SAR1B: variants seen among roughly 807,000 people sequenced by gnomAD.
SAR1B encodes secretion associated Ras related GTPase 1B, also known as small COPII coat GTPase SAR1B.
SAR1B carries 23 observed loss-of-function variants against 26.8 expected under a neutral mutation model. The observed-to-expected ratio is 0.86, with a 90% CI of 0.62 to 1.22. The LOEUF (loss-of-function observed/expected upper bound fraction) is 1.22, where lower values mean the gene tolerates loss of function less well. Ranked by LOEUF, SAR1B falls within the 50% of genes most tolerant of loss-of-function variation. SAR1B has a pLI of 0.00. For synonymous variants in SAR1B, 65 were observed against 80.8 expected (o/e 0.80, Z 1.05); for missense variants, 196 against 232.8 (o/e 0.84, Z 1.03).
intron 3 of SAR1B, among the ~76,000 whole-genome samples, chr5:134,615,188 A>C (rs1280582204): frequency 6.6e-6 from 1 of 151,822 alleles, no homozygotes; most frequent in Non-Finnish European, 1.5e-5. Flanking sequence ...CTCTACTAAA[A>C]ATACAAAAAA....
intron 1 of SAR1B, among the ~76,000 whole-genome samples, chr5:134,632,439 G>C (rs979627396): frequency 2.0e-5 from 3 of 152,140 alleles, no homozygotes; most frequent in Non-Finnish European, 4.4e-5. Context: ...AGGAAACTGA[G>C]GCCCAGGGGA....
intron 1 of SAR1B, among the ~76,000 whole-genome samples, chr5:134,627,197 G>A (rs1765507189): frequency 6.6e-6 from 1 of 151,904 alleles, no homozygotes; most frequent in Non-Finnish European, 1.5e-5. Context: ...GACTACAGGA[G>A]CCTGCCACCA....
At chr5:134,609,994 C>A (rs1049374537) in intron 4 of SAR1B, among the ~76,000 whole-genome samples, 4 of 150,324 alleles carry the variant, frequency 2.7e-5, no homozygotes, top group Non-Finnish European at 5.9e-5. Context: ...GCTACTAGAT[C>A]TAAAATATAA....
intron 1 of SAR1B, chr5:134,631,533 T>G (rs1237975119): frequency 6.6e-6 from 1 of 152,256 alleles, no homozygotes; most frequent in African/African-American, 2.4e-5. Flanking sequence ...TCACTGATAC[T>G]TTAACACGGA....
chr5:134,612,315 C>T (rs1176155288), intron 4 of SAR1B, among the ~76,000 whole-genome samples: 2 of 152,004 alleles, frequency 1.3e-5, no homozygotes, highest in Non-Finnish European at 2.9e-5. Context: ...AAGTATTTAT[C>T]GGGGAGTAAT....
At chr5:134,627,121 C>T (rs1765506062) in intron 1 of SAR1B, among the ~76,000 whole-genome samples, 1 of 151,942 alleles carries the variant, frequency 6.6e-6, no homozygotes, top group Non-Finnish European at 1.5e-5. Context: ...GCGCGATCTC[C>T]TCTCACTGTA....
rs1202587801 is a variant in SAR1B, at chr5:134,606,102, G to A, written c.*848C>T. 1 of 152,240 alleles carries A rather than the reference G, an allele frequency of 6.6e-6. No individual in the cohort carries two copies. The highest frequency in any genetic ancestry group is 1.9e-4 in the East Asian group (1 of 5,206). 9.4% of individuals were successfully genotyped at this position (152,240 alleles called of 1,614,324 possible). ...ATGGAACTATAGAGCCTACCAAACTGAGAATCAACCTTGTGTACCATAAAT... is the reference window on the plus strand; with the variant it reads ...ATGGAACTATAGAGCCTACCAAACTAAGAATCAACCTTGTGTACCATAAAT... On this transcript the variant is annotated 3_prime_UTR_variant, in exon 7 of 7. Transcript: ENST00000402673.
rs1208674346 is a variant in SAR1B, at chr5:134,606,472, GA to G, written c.*477del. On this transcript the variant is annotated 3_prime_UTR_variant, in exon 7 of 7. Transcript: ENST00000402673. Reference sequence around the variant, plus strand: ...GTTTTATTGCATGACGTTTGCATAAGAAAAAAAGTTATTGAAAACTGTAAGG... The same window carrying G: ...GTTTTATTGCATGACGTTTGCATAAGAAAAAAGTTATTGAAAACTGTAAGG... The G allele has an allele frequency of 1.8e-5, 3 of 170,704 alleles. No homozygotes were observed. The highest frequency in any genetic ancestry group is 1.7e-4 in the Admixed American group (3 of 17,968). 10.6% of individuals were successfully genotyped at this position (170,704 alleles called of 1,614,324 possible). A position where few individuals can be genotyped will look rare whatever the true frequency, so the allele number is the denominator to read the frequency against.
chr5:134,615,867 T>C (rs574591540), intron 3 of SAR1B, among the ~76,000 whole-genome samples: 5 of 151,810 alleles, frequency 3.3e-5, no homozygotes. Context: ...CCAGGTGCAG[T>C]GGCTCATGCC....
chr5:134,629,572 C>T (rs945816582), intron 1 of SAR1B, among the ~76,000 whole-genome samples: 1 of 152,098 alleles, frequency 6.6e-6, no homozygotes, highest in Non-Finnish European at 1.5e-5. Flanking sequence ...TGGCGTGCAC[C>T]TGTAATCCCA....
intron 4 of SAR1B, among the ~76,000 whole-genome samples, chr5:134,610,511 G>A (rs1362362527): frequency 7.0e-6 from 1 of 143,776 alleles, no homozygotes; most frequent in Non-Finnish European, 1.5e-5. Context: ...AGGTGGCAGT[G>A]AGCCGAGATC....
chr5:134,606,656 C>A lies in SAR1B; in HGVS notation c.*294G>T. ...TATAGTTTCATGTTGTTAAAAAGTG[C>A]TTCAAATGTACTGCTGGAAAGTTGC... On this transcript the variant is annotated 3_prime_UTR_variant, in exon 7 of 7. Coordinates refer to ENST00000402673, the MANE Select transcript of SAR1B (RefSeq NM_016103.4). 3.0e-6 allele frequency: 1 copy of A among 327,990 alleles called. No homozygotes were observed. Among genetic ancestry groups the A allele is most frequent in the South Asian group, 3.1e-5 (1 of 32,152 alleles). The allele number at this position is 327,990 out of a possible 1,614,324, so 20.3% of individuals were successfully genotyped here. A position where few individuals can be genotyped will look rare whatever the true frequency, so the allele number is the denominator to read the frequency against.
chr5:134,610,728 T>C (rs1244712348), intron 4 of SAR1B, among the ~76,000 whole-genome samples: 1 of 151,812 alleles, frequency 6.6e-6, no homozygotes, highest in Non-Finnish European at 1.5e-5. Context: ...AACCAGACTC[T>C]GTTTCAAAAA....
intron 1 of SAR1B, among the ~76,000 whole-genome samples, chr5:134,625,289 T>C (rs1424607204): frequency 6.6e-6 from 1 of 152,188 alleles, no homozygotes; most frequent in Non-Finnish European, 1.5e-5. Flanking sequence ...AGTGCCAATC[T>C]GTGCTGATTT....
chr5:134,604,741 T>C lies in SAR1B; in HGVS notation c.*2209A>G, dbSNP rs1765101291. 6.6e-6 allele frequency: 1 copy of C among 152,212 alleles called. No homozygotes were observed. The allele number at this position is 152,212 out of a possible 1,614,324, so 9.4% of individuals were successfully genotyped here. A position where few individuals can be genotyped will look rare whatever the true frequency, so the allele number is the denominator to read the frequency against. ...TACACCAGAAAGCATTTTTCCTGGC[T>C]AGAGAAACCAGTATGTTTTTTTTTC... On this transcript the variant is annotated 3_prime_UTR_variant, in exon 7 of 7. Transcript: ENST00000402673.
intron 4 of SAR1B, 105 bp downstream of exon 4, chr5:134,612,586 A>C: frequency 1.8e-6 from 2 of 1,106,756 alleles, no homozygotes; most frequent in Non-Finnish European, 2.5e-6. Context: ...CAGAGGTTGC[A>C]GTGAGCTGAG....
At chr5:134,623,015 C>T (rs905000326) in intron 2 of SAR1B, among the ~76,000 whole-genome samples, 5 of 150,106 alleles carry the variant, frequency 3.3e-5, no homozygotes, top group Non-Finnish European at 5.9e-5. Context: ...CCCAGATACT[C>T]GGGAGGCTGA....
rs372284979 is a variant in SAR1B at position 134,607,035 on chromosome 5, C to G, written c.512G>C (p.Arg171Pro). The change falls in exon 7 of 7, where the codon CGA becomes CCA. Residue 171 changes from arginine (R) to proline (P), a missense_variant. Physicochemically the swap from Arg to Pro is moderately radical, Grantham distance 103. Transcript: ENST00000402673. ...ACTACACATGAAAACTTCTAAGGGT[C>G]GGGCATTCAGTTCTTTCAGAGATAT... ...GSISLKELNARPLEVFMCSVL... is the reference protein window; with the variant it reads ...GSISLKELNAPPLEVFMCSVL... 6 of 1,613,684 alleles carry G rather than the reference C, an allele frequency of 3.7e-6. No homozygotes were observed. The African/African-American group carries it at 5.3e-5, about 14-fold the overall frequency.
At chr5:134,622,120 G>A (rs1765419499) in intron 2 of SAR1B, among the ~76,000 whole-genome samples, 1 of 152,150 alleles carries the variant, frequency 6.6e-6, no homozygotes, top group Admixed American at 6.6e-5. Flanking sequence ...AAGACATTAG[G>A]CAATTATAGT....
Sources: allele counts gnomAD v4.1 joint callset (sites outside exome capture counted in the v4.1 genomes callset), GRCh38; gene constraint gnomAD v4.1.1; transcripts MANE v1.5; gene names NCBI Gene and HGNC (gene_info 2026-07-23, HGNC 2026-07-21).